BTBD9: variants seen among roughly 807,000 people sequenced by gnomAD.
The protein encoded by BTBD9 is BTB/POZ domain-containing protein 9.
In BTBD9, 49 loss-of-function variants were observed where a neutral mutation model predicts 64.3. The ratio of observed to expected loss-of-function variants is 0.76; its 90% CI spans 0.61 to 0.97. BTBD9 has a LOEUF of 0.97. BTBD9 is among the 50% of genes least tolerant of loss of function. The probability of loss-of-function intolerance (pLI) is 0.00; values close to 1 mark genes in which losing one functional copy is unlikely to be tolerated. For missense variants in BTBD9, 598 were observed against 762.1 expected (o/e 0.78, Z 2.53); for synonymous variants, 260 against 274.7 (o/e 0.95, Z 0.53).
intron 8 of BTBD9, among the ~76,000 whole-genome samples, chr6:38,272,281 G>A (rs977376322): frequency 1.3e-5 from 2 of 152,206 alleles, no homozygotes; most frequent in Non-Finnish European, 2.9e-5. Context: ...AGTTATAGAG[G>A]AAGATGACAC....
rs150452066 is a variant in BTBD9 at position 38,433,693 on chromosome 6, C to T, written c.1155-88600G>A. Among the ~76,000 whole-genome samples the T allele has an allele frequency of 6.4e-4, 98 of 152,126 alleles. 1 individual carries two copies. The highest frequency in any genetic ancestry group is 2.0e-3 in the African/African-American group (84 of 41,358). On this transcript the variant is annotated intron_variant, in intron 6 of 10. Coordinates refer to ENST00000481247, the MANE Select transcript of BTBD9 (RefSeq NM_001099272.2). ...GAAATAAACAGCCTTGTTGCTCACA[C>T]AAAGCCTGTTGGTGGTCTCTTCACA...
intron 6 of BTBD9, among the ~76,000 whole-genome samples, chr6:38,569,622 A>T (rs1775669771): frequency 6.6e-6 from 1 of 152,190 alleles, no homozygotes; most frequent in African/African-American, 2.4e-5. Context: ...TACAATGCAA[A>T]GGAAAAGGGC....
At chr6:38,445,094 T>G (rs1309111851) in intron 6 of BTBD9, among the ~76,000 whole-genome samples, 1 of 152,160 alleles carries the variant, frequency 6.6e-6, no homozygotes, top group Non-Finnish European at 1.5e-5. Context: ...CCTGACTCTG[T>G]GATCATGGAA....
chr6:38,252,213 T>G (rs1429515109), intron 9 of BTBD9, among the ~76,000 whole-genome samples: 2 of 152,128 alleles, frequency 1.3e-5, no homozygotes, highest in Non-Finnish European at 2.9e-5. Flanking sequence ...CTTGACGAGG[T>G]AGAATGCTAT....
chr6:38,440,911 T>C (rs1350670688), intron 6 of BTBD9, among the ~76,000 whole-genome samples: 5 of 152,250 alleles, frequency 3.3e-5, no homozygotes, highest in African/African-American at 1.2e-4. Flanking sequence ...AGAATTTTTT[T>C]TGATATTGAG....
rs565169025 is a variant in BTBD9, at chr6:38,569,252, G to T, written c.1154+8348C>A. ...TTCTTGACAGCGGCCACTGTGTCTT[G>T]TTCATCTTTTTATGTCTGGCACCTA... is the stretch of plus-strand genomic sequence containing the variant. On this transcript the variant is annotated intron_variant, in intron 6 of 10. Transcript: ENST00000481247. 3.3e-5 allele frequency among the ~76,000 whole-genome samples: 5 copies of T among 152,274 alleles called. No homozygotes were observed. In the South Asian group the frequency reaches 1.0e-3, roughly 32 times the overall value.
chr6:38,529,605 C>T (rs949548691), intron 6 of BTBD9, among the ~76,000 whole-genome samples: 1 of 152,186 alleles, frequency 6.6e-6, no homozygotes, highest in Admixed American at 6.5e-5. Flanking sequence ...TCAGGGACCC[C>T]GAACAGAGGG....
intron 5 of BTBD9, among the ~76,000 whole-genome samples, chr6:38,579,125 A>G (rs1433932477): frequency 6.6e-6 from 1 of 152,212 alleles, no homozygotes; most frequent in African/African-American, 2.4e-5. Context: ...ATATCAGAAA[A>G]TATATTCTTA....
chr6:38,378,873 C>CAA (rs61334171), intron 6 of BTBD9, among the ~76,000 whole-genome samples: 4 of 110,270 alleles, frequency 3.6e-5, no homozygotes, highest in Non-Finnish European at 8.2e-5. Context: ...GACTCCATCT[C>CAA]AAAAAAAAAA....
chr6:38,408,521 G>A lies in BTBD9; in HGVS notation c.1155-63428C>T, dbSNP rs147365802. Among the ~76,000 whole-genome samples, 156 of 152,240 alleles carry A rather than the reference G, an allele frequency of 1.0e-3. 5 individuals carry two copies. In the East Asian group the frequency reaches 0.016, roughly 16 times the overall value. ...ACCAATGTTTGTTTTTCCTTTGCTC[G>A]GGTTGAAATAATTCCAAGACTGCCA... On this transcript the variant is annotated intron_variant, in intron 6 of 10. Transcript: ENST00000481247.
chr6:38,245,485 G>A (rs181559906), intron 9 of BTBD9, among the ~76,000 whole-genome samples: 118 of 152,298 alleles, frequency 7.7e-4, no homozygotes, highest in Non-Finnish European at 1.1e-3. Flanking sequence ...GAAAACAGAG[G>A]ATGCCAGGGA....
intron 6 of BTBD9, among the ~76,000 whole-genome samples, chr6:38,408,068 T>C (rs1226135273): frequency 6.6e-6 from 1 of 152,224 alleles, no homozygotes; most frequent in Non-Finnish European, 1.5e-5. Flanking sequence ...TTTAAAATCA[T>C]GGCACTGGCA....
intron 7 of BTBD9, among the ~76,000 whole-genome samples, chr6:38,318,039 A>C (rs533544816): frequency 1.4e-5 from 2 of 148,114 alleles, no homozygotes; most frequent in Non-Finnish European, 3.0e-5. Flanking sequence ...GGTTCAAGCG[A>C]TTCTCCTGCC....
At chr6:38,382,516 C>CAAAA (rs35186359) in intron 6 of BTBD9, among the ~76,000 whole-genome samples, 1 of 60,270 alleles carries the variant, frequency 1.7e-5, no homozygotes, top group African/African-American at 5.9e-5. Context: ...GACCTTGTCT[C>CAAAA]AAAAAAAAAA....
At chr6:38,570,089 T>C (rs967314727) in intron 6 of BTBD9, among the ~76,000 whole-genome samples, 18 of 152,150 alleles carry the variant, frequency 1.2e-4, no homozygotes, top group African/African-American at 4.3e-4. Flanking sequence ...AGATAAAGGA[T>C]TGCTGCACTC....
chr6:38,433,968 C>A (rs964991373), intron 6 of BTBD9, among the ~76,000 whole-genome samples: 2 of 151,928 alleles, frequency 1.3e-5, no homozygotes, highest in African/African-American at 4.9e-5. Flanking sequence ...TGGCCAAATT[C>A]TTCTCTAAGG....
intron 6 of BTBD9, among the ~76,000 whole-genome samples, chr6:38,556,345 G>A (rs1228899608): frequency 6.6e-6 from 1 of 151,984 alleles, no homozygotes; most frequent in Non-Finnish European, 1.5e-5. Context: ...AACTATAACA[G>A]CAAAATTAAA....
In BTBD9 at chr6:38,598,049, T is replaced by C. The variant is rs1331137593; in HGVS notation, c.46A>G (p.Ile16Val). 6 of 1,613,796 alleles carry C rather than the reference T, an allele frequency of 3.7e-6. No individual in the cohort carries two copies. In the African/African-American group the frequency reaches 6.7e-5, roughly 18 times the overall value. Reference sequence around the variant, plus strand: ...TCAGACAAAATGTGCACATGATCAATTTCCCCCACTGCAGTAAAGGGGCGA... The same window carrying C: ...TCAGACAAAATGTGCACATGATCAACTTCCCCCACTGCAGTAAAGGGGCGA... ...PLRPFTAVGE[I>V]DHVHILSEHI... The change falls in exon 2 of 11, where the codon ATT (isoleucine) becomes GTT (valine). Residue 16 changes from isoleucine (I) to valine (V), a missense_variant. By Grantham distance (29) the Ile-to-Val change is conservative. Coordinates refer to ENST00000481247, the MANE Select transcript of BTBD9 (RefSeq NM_001099272.2).
intron 10 of BTBD9, among the ~76,000 whole-genome samples, chr6:38,188,857 G>A (rs1761931996): frequency 6.6e-6 from 1 of 152,158 alleles, no homozygotes; most frequent in South Asian, 2.1e-4. Context: ...TGTCTCTCGC[G>A]AAGTGCACAC....
Sources: allele counts gnomAD v4.1 joint callset (sites outside exome capture counted in the v4.1 genomes callset), GRCh38; gene constraint gnomAD v4.1.1; transcripts MANE v1.5; gene names NCBI Gene and HGNC (gene_info 2026-07-23, HGNC 2026-07-21).